Variants in DLGAP2 observed in about 807,000 individuals in gnomAD.
DLGAP2 encodes the protein DLG associated protein 2.
Under a neutral mutation model 100.3 loss-of-function variants are expected in DLGAP2, and 26 were observed. The ratio of observed to expected loss-of-function variants is 0.26; its 90% CI spans 0.19 to 0.36. The LOEUF (loss-of-function observed/expected upper bound fraction) is 0.36, where lower values mean the gene tolerates loss of function less well. Ranked by LOEUF, DLGAP2 falls within the 10% of genes least tolerant of loss-of-function variation. DLGAP2 has a pLI of 1.00. For synonymous variants in DLGAP2, 886 were observed against 630.1 expected (o/e 1.41, Z -6.08); for missense variants, 1,858 against 1,453.2 (o/e 1.28, Z -4.53).
chr8:1,028,050 C>T (rs1801861349), intron 2 of DLGAP2, among the ~76,000 whole-genome samples: 1 of 136,772 alleles, frequency 7.3e-6, no homozygotes, highest in Non-Finnish European at 1.6e-5. Flanking sequence ...GCTCGGTGCC[C>T]ATTATTCTCC....
intron 2 of DLGAP2, among the ~76,000 whole-genome samples, chr8:1,218,841 C>T (rs536396442): frequency 1.3e-5 from 2 of 152,136 alleles, no homozygotes; most frequent in Admixed American, 6.5e-5. Context: ...AGATCTTTCA[C>T]CACCTGGTTA....
At chr8:1,284,616 G>A (rs1408100928) in intron 3 of DLGAP2, among the ~76,000 whole-genome samples, 7 of 152,040 alleles carry the variant, frequency 4.6e-5, no homozygotes, top group Admixed American at 1.3e-4. Context: ...TTGTTCATTC[G>A]TTGTTTATTC....
intron 3 of DLGAP2, among the ~76,000 whole-genome samples, chr8:1,318,778 G>GCCCCCCCCCCCCCCCC (rs34614425): frequency 9.5e-6 from 1 of 105,574 alleles, no homozygotes; most frequent in Non-Finnish European, 1.8e-5. Flanking sequence ...TCAGTGATCA[G>GCCCCCCCCCCCCCCCC]CCCCCCCCCC....
At chr8:1,594,741 A>G (rs927957672) in intron 6 of DLGAP2, among the ~76,000 whole-genome samples, 2 of 152,160 alleles carry the variant, frequency 1.3e-5, no homozygotes, top group Non-Finnish European at 2.9e-5. Flanking sequence ...ACTCTCTTAT[A>G]ATGACTAATA....
intron 3 of DLGAP2, among the ~76,000 whole-genome samples, chr8:1,494,618 A>T (rs966572694): frequency 2.6e-5 from 4 of 151,984 alleles, no homozygotes; most frequent in Admixed American, 6.6e-5. Flanking sequence ...AGTCTCACCT[A>T]TTGGGCGTCT....
intron 5 of DLGAP2, among the ~76,000 whole-genome samples, chr8:1,563,984 A>G (rs1379452396): frequency 4.6e-5 from 7 of 152,146 alleles, no homozygotes; most frequent in Admixed American, 4.6e-4. Context: ...GAAATTTTTT[A>G]TTTTCTTTCT....
intron 4 of DLGAP2, among the ~76,000 whole-genome samples, chr8:1,539,432 G>A (rs897943299): frequency 2.6e-5 from 4 of 152,152 alleles, no homozygotes; most frequent in Admixed American, 1.3e-4. Flanking sequence ...TATGATGGAC[G>A]GCTCTAATCT....
At chr8:1,022,757 C>G (rs1004382038) in intron 2 of DLGAP2, among the ~76,000 whole-genome samples, 11 of 151,660 alleles carry the variant, frequency 7.3e-5, no homozygotes, top group Admixed American at 2.6e-4. Context: ...AATCCACCCT[C>G]CCTGGGAGTG....
At chr8:1,021,131 C>T (rs1455157893) in intron 2 of DLGAP2, among the ~76,000 whole-genome samples, 9 of 152,074 alleles carry the variant, frequency 5.9e-5, no homozygotes, top group Admixed American at 5.9e-4. Flanking sequence ...TAATTAATAT[C>T]AATTTGAGTA....
intron 8 of DLGAP2, among the ~76,000 whole-genome samples, chr8:1,646,490 G>C (rs1325471959): frequency 6.6e-6 from 1 of 152,074 alleles, no homozygotes; most frequent in East Asian, 1.9e-4. Flanking sequence ...TCTCTGAAAA[G>C]CCCCAACTAA....
chr8:1,632,761 GC>G, intron 7 of DLGAP2, 65 bp from the exon 8 acceptor site: 1 of 1,498,600 alleles, frequency 6.7e-7, no homozygotes, highest in African/African-American at 1.4e-5. Context: ...CGCTCTCCTG[GC>G]TTTTCTGTAA....
intron 1 of DLGAP2, among the ~76,000 whole-genome samples, chr8:771,151 G>C (rs1182778796): frequency 2.6e-5 from 4 of 152,148 alleles, no homozygotes; most frequent in African/African-American, 7.2e-5. Flanking sequence ...ATTTATGTCA[G>C]TGATTGCTAA....
intron 1 of DLGAP2, among the ~76,000 whole-genome samples, chr8:759,050 C>T (rs1820994729): frequency 1.3e-5 from 2 of 150,238 alleles, no homozygotes; most frequent in Admixed American, 6.6e-5. Context: ...TATCAATACC[C>T]CCCACAACCT....
chr8:834,636 C>A (rs985146351), intron 1 of DLGAP2, among the ~76,000 whole-genome samples: 8 of 152,076 alleles, frequency 5.3e-5, no homozygotes, highest in Non-Finnish European at 1.2e-4. Context: ...GAAAAGGAAA[C>A]CTTCTGGGAA....
chr8:1,293,126 T>C (rs962939645), intron 3 of DLGAP2, among the ~76,000 whole-genome samples: 1 of 152,148 alleles, frequency 6.6e-6, no homozygotes, highest in Non-Finnish European at 1.5e-5. Context: ...TTTCAATCCT[T>C]GTGTGTCTGA....
intron 3 of DLGAP2, among the ~76,000 whole-genome samples, chr8:1,448,244 A>G (rs1222206392): frequency 6.6e-6 from 1 of 151,678 alleles, no homozygotes; most frequent in East Asian, 1.9e-4. Flanking sequence ...ATTTCCCTCT[A>G]CACACTGCTT....
At chr8:910,992 GT>G (rs1229768293) in intron 2 of DLGAP2, among the ~76,000 whole-genome samples, 3 of 152,096 alleles carry the variant, frequency 2.0e-5, no homozygotes, top group African/African-American at 7.2e-5. Context: ...AGTTAAAATA[GT>G]CCCAGACGCC....
At chr8:1,417,755 G>A (rs1430863943) in intron 3 of DLGAP2, among the ~76,000 whole-genome samples, 3 of 56,234 alleles carry the variant, frequency 5.3e-5, no homozygotes, top group African/African-American at 2.0e-4. Context: ...ACCTATGAAC[G>A]GACCAGAGGG....
At chr8:1,385,831 C>T (rs1309323307) in intron 3 of DLGAP2, among the ~76,000 whole-genome samples, 1 of 151,744 alleles carries the variant, frequency 6.6e-6, no homozygotes, top group Non-Finnish European at 1.5e-5. Context: ...ACAGTTACCC[C>T]GGCCTATGCC....
Sources: allele counts gnomAD v4.1 joint callset (sites outside exome capture counted in the v4.1 genomes callset), GRCh38; gene constraint gnomAD v4.1.1; transcripts MANE v1.5; gene names NCBI Gene and HGNC (gene_info 2026-07-23, HGNC 2026-07-21).